Variants in CHERP observed in about 807,000 individuals in gnomAD.
The protein encoded by CHERP is calcium homeostasis endoplasmic reticulum protein.
A neutral mutation model predicts 113.8 loss-of-function variants in CHERP; 8 were observed. The ratio of observed to expected loss-of-function variants is 0.07; its 90% CI spans 0.04 to 0.13. The LOEUF (loss-of-function observed/expected upper bound fraction) is 0.13. Among genes scored for constraint, CHERP ranks in the 10% least tolerant of loss-of-function variants. The probability of loss-of-function intolerance (pLI) is 1.00; values close to 1 mark genes in which losing one functional copy is unlikely to be tolerated. For synonymous variants in CHERP, 559 were observed against 524.5 expected, an observed-to-expected ratio of 1.07 and a Z score of -0.90; for missense variants, 884 against 1,298.2, an observed-to-expected ratio of 0.68 and a Z score of 4.90.
At chr19:16,542,188 G>C (rs1383417667) in intron 1 of CHERP, 145 bp from the exon 2 acceptor site, 7 of 1,091,808 alleles carry the variant, frequency 6.4e-6, no homozygotes, top group Middle Eastern at 3.0e-4. Context: ...GTCCCGATAG[G>C]GGCCACACGC....
intron 9 of CHERP, among the ~76,000 whole-genome samples, chr19:16,527,816 C>T (rs918685480): frequency 6.6e-6 from 1 of 152,220 alleles, no homozygotes; most frequent in African/African-American, 2.4e-5. Flanking sequence ...TTAAACTCCC[C>T]TGCACTCGCA....
In CHERP at chr19:16,525,284, A is replaced by T. The variant is rs1227612034; in HGVS notation, c.1699T>A (p.Tyr567Asn). Residue 567 changes from tyrosine to asparagine, a missense_variant, in exon 10 of 17, where the codon TAT (tyrosine) becomes AAT (asparagine). By Grantham distance (143) the Tyr-to-Asn change is moderately radical (BLOSUM62 -2). This residue lies in a region of CHERP where 464 missense variants were observed against 590.1 expected (regional missense o/e 0.79). Coordinates refer to ENST00000546361, the MANE Select transcript of CHERP (RefSeq NM_006387.6). This position sits in a 1 kb window ranked among gnomAD's most constrained non-coding sequence, Gnocchi z 6.5. ...PPRHPFERPP[Y>N]PHRFDYPQGD... ...TGGGGGTAGTCGAAGCGGTGGGGAT[A>T]GGGCGGCCGCTCGAAGGGGTGCCGT... is the stretch of plus-strand genomic sequence containing the variant. 1 of 1,444,918 alleles carries T rather than the reference A, an allele frequency of 6.9e-7. No homozygotes were observed. The allele number at this position is 1,444,918 out of a possible 1,614,324, so 89.5% of individuals were successfully genotyped here.
At chr19:16,540,508 G>A (rs1324676312) in intron 2 of CHERP, among the ~76,000 whole-genome samples, 2 of 151,844 alleles carry the variant, frequency 1.3e-5, no homozygotes, top group Non-Finnish European at 2.9e-5. Context: ...CAGTAGCTGG[G>A]ACTACAGGTG....
intron 11 of CHERP, among the ~76,000 whole-genome samples, chr19:16,522,449 C>T (rs981543254): frequency 8.5e-5 from 13 of 152,120 alleles, no homozygotes; most frequent in Admixed American, 5.9e-4. Context: ...TTAATAGAGA[C>T]GGGGTTTCAC....
chr19:16,538,248 C>G (rs1568264782), intron 2 of CHERP, among the ~76,000 whole-genome samples: 1 of 152,234 alleles, frequency 6.6e-6, no homozygotes, highest in Non-Finnish European at 1.5e-5. Context: ...CCCTCCTACT[C>G]TGGGCTTCAG....
Position 16,525,476 on chromosome 19 carries a change from G to A in CHERP, c.1507C>T (p.Pro503Ser). ...TCGCGCTGGCCCCCGCCCCAGGGCGGCTGCTCGTGCTGGCTGTTCCAGGGG... is the reference window on the plus strand; with the variant it reads ...TCGCGCTGGCCCCCGCCCCAGGGCGACTGCTCGTGCTGGCTGTTCCAGGGG... ...EGPWNSQHEQPPWGGGQREPP... is the reference protein window; with the variant it reads ...EGPWNSQHEQSPWGGGQREPP... The change falls in exon 10 of 17, where the codon CCG becomes TCG. Residue 503 changes from proline to serine, a missense_variant. This residue lies in a region of CHERP where 464 missense variants were observed against 590.1 expected (regional missense o/e 0.79). Coordinates refer to ENST00000546361, the MANE Select transcript of CHERP (RefSeq NM_006387.6). This position sits in a 1 kb window ranked among gnomAD's most constrained non-coding sequence, Gnocchi z 6.5. 1.9e-6 allele frequency: 3 copies of A among 1,551,766 alleles called. No individual in the cohort carries two copies. The highest frequency in any genetic ancestry group is 2.6e-6 in the Non-Finnish European group (3 of 1,149,226).
intron 11 of CHERP, among the ~76,000 whole-genome samples, chr19:16,522,141 C>G (rs1017364542): frequency 9.9e-5 from 15 of 152,232 alleles, no homozygotes; most frequent in Non-Finnish European, 2.1e-4. Flanking sequence ...GCAGCTCTCC[C>G]TGCTGCCCAT....
rs1449410364 is a variant in CHERP at position 16,525,219 on chromosome 19, T to C, written c.1741+23A>G. ...AGCCGTGGATGCCTCCGCCAGGCCC[T>C]ACCCAGGCGCCCGTACACTCACCGG... On this transcript the variant is annotated intron_variant, in intron 10 of 16. Coordinates refer to ENST00000546361, the MANE Select transcript of CHERP (RefSeq NM_006387.6). This position sits in a 1 kb window ranked among gnomAD's most constrained non-coding sequence, Gnocchi z 6.5. The C allele has an allele frequency of 1.4e-6, 2 of 1,408,118 alleles. No individual in the cohort carries two copies. The highest frequency in any genetic ancestry group is 1.5e-5 in the African/African-American group (1 of 66,032). The allele number at this position is 1,408,118 out of a possible 1,614,324, so 87.2% of individuals were successfully genotyped here. A position where few individuals can be genotyped will look rare whatever the true frequency, so the allele number is the denominator to read the frequency against.
At chr19:16,527,792 C>T (rs916567707) in intron 9 of CHERP, among the ~76,000 whole-genome samples, 6 of 152,178 alleles carry the variant, frequency 3.9e-5, no homozygotes, top group Non-Finnish European at 7.3e-5. Flanking sequence ...AACACCCTGC[C>T]GTGCCTTGCA....
Position 16,523,420 on chromosome 19 carries a change from C to A in CHERP, c.1742-130G>T. The A allele has an allele frequency of 9.3e-7, 1 of 1,071,962 alleles. No individual in the cohort carries two copies. Among genetic ancestry groups the A allele is most frequent in the South Asian group, 1.4e-5 (1 of 69,488 alleles). 66.4% of individuals were successfully genotyped at this position (1,071,962 alleles called of 1,614,324 possible). On this transcript the variant is annotated intron_variant, in intron 10 of 16. Transcript: ENST00000546361. The surrounding 1 kb of genome is among the most constrained non-coding windows in gnomAD (Gnocchi z 4.0). ...CCTGGGAGCCTGTCCAGCATCTTCT[C>A]TCACTGCTTAAGACCAGGCAGCAAG...
In CHERP at chr19:16,520,011, G is replaced by A. The variant is rs1194992572; in HGVS notation, c.2462+138C>T. 6.6e-6 allele frequency: 6 copies of A among 906,660 alleles called. No individual in the cohort carries two copies. Among genetic ancestry groups the A allele is most frequent in the African/African-American group, 1.7e-5 (1 of 60,348 alleles). 56.2% of individuals were successfully genotyped at this position (906,660 alleles called of 1,614,324 possible). A position where few individuals can be genotyped will look rare whatever the true frequency, so the allele number is the denominator to read the frequency against. Reference sequence around the variant, plus strand: ...TCGCCAAGTGGCTACTGTGGTGAAGGGTGAGGGGTGCCACTGTCCCCGGGC... The same window carrying A: ...TCGCCAAGTGGCTACTGTGGTGAAGAGTGAGGGGTGCCACTGTCCCCGGGC... On this transcript the variant is annotated intron_variant, in intron 15 of 16. Transcript: ENST00000546361. This position sits in a 1 kb window ranked among gnomAD's most constrained non-coding sequence, Gnocchi z 4.0.
Position 16,533,131 on chromosome 19 carries a change from G to C in CHERP, c.402C>G (p.Ala134=). 2 of 1,587,002 alleles carry C rather than the reference G, an allele frequency of 1.3e-6. No individual in the cohort carries two copies. The highest frequency in any genetic ancestry group is 1.7e-6 in the Non-Finnish European group (2 of 1,167,022). Residue 134 remains alanine, a synonymous_variant, in exon 4 of 17, where the codon GCC becomes GCG. Coordinates refer to ENST00000546361, the MANE Select transcript of CHERP (RefSeq NM_006387.6). ...TCTGCTGCTCCACCGCGTGGGCCACGGCCGCTGTCACTTGCTCCTGCGGGC... is the reference window on the plus strand; with the variant it reads ...TCTGCTGCTCCACCGCGTGGGCCACCGCCGCTGTCACTTGCTCCTGCGGGC... ...LALRQEQVTA[A]VAHAVEQQMQ...
intron 12 of CHERP, 162 bp from the exon 13 acceptor site, chr19:16,521,074 A>G (rs1477046636): frequency 9.1e-6 from 6 of 658,788 alleles, no homozygotes; most frequent in African/African-American, 7.1e-5. Context: ...GTGTTCCCAC[A>G]GGGCTGTCCT....
At position 16,525,417 on chromosome 19, in the gene CHERP, G is replaced by A. The variant is rs772961692; in HGVS notation, c.1566C>T (p.Phe522=). 4.0e-6 allele frequency: 6 copies of A among 1,514,868 alleles called. No homozygotes were observed. In the East Asian group the frequency reaches 9.7e-5, roughly 25 times the overall value. 93.8% of individuals were successfully genotyped at this position (1,514,868 alleles called of 1,614,324 possible). The change falls in exon 10 of 17, where the codon TTC becomes TTT. Residue 522 remains phenylalanine (F), a synonymous_variant. Transcript: ENST00000546361. The surrounding 1 kb of genome is among the most constrained non-coding windows in gnomAD (Gnocchi z 6.5). The part of the protein sequence containing the change: ...PPFRMQRPPH[F]RGPFPPHQQH... ...GCTGGTGGGGCGGGAAGGGCCCCCG[G>A]AAGTGTGGGGGCCGCTGCATGCGGA... is the stretch of plus-strand genomic sequence containing the variant.
intron 11 of CHERP, 146 bp downstream of exon 11, chr19:16,522,905 TC>T: frequency 1.1e-6 from 1 of 911,490 alleles, no homozygotes; most frequent in Non-Finnish European, 1.6e-6. Flanking sequence ...GTTCGGCACC[TC>T]CCACTGACGG....
chr19:16,530,649 C>G lies in CHERP; in HGVS notation c.812G>C (p.Gly271Ala). ...CTGAATGATGGAGTCATCGAAGTAG[C>G]CGTTTTTCTCCCAGAGCTGCAGGAG... ...ARLLQLWEKN[G>A]YFDDSIIQQL... The change falls in exon 7 of 17, where the codon GGC (glycine) becomes GCC (alanine). Residue 271 changes from glycine to alanine, a missense_variant. Transcript: ENST00000546361. This position sits in a 1 kb window ranked among gnomAD's most constrained non-coding sequence, Gnocchi z 4.1. The G allele has an allele frequency of 1.2e-6, 2 of 1,614,044 alleles. No individual in the cohort carries two copies. The highest frequency in any genetic ancestry group is 8.5e-7 in the Non-Finnish European group (1 of 1,179,944).
Position 16,520,743 on chromosome 19 carries a change from A to G in CHERP, c.2201+83T>C. 1.5e-6 allele frequency: 2 copies of G among 1,369,324 alleles called. No homozygotes were observed. Among genetic ancestry groups the G allele is most frequent in the Non-Finnish European group, 2.1e-6 (2 of 963,800 alleles). 84.8% of individuals were successfully genotyped at this position (1,369,324 alleles called of 1,614,324 possible). A position where few individuals can be genotyped will look rare whatever the true frequency, so the allele number is the denominator to read the frequency against. ...CACAGGCTGTGTGAGGGTGGACGTG[A>G]TGAGTGTATCTGGGGTCTGCTCCCA... On this transcript the variant is annotated intron_variant, in intron 13 of 16. Coordinates refer to ENST00000546361, the MANE Select transcript of CHERP (RefSeq NM_006387.6). This position sits in a 1 kb window ranked among gnomAD's most constrained non-coding sequence, Gnocchi z 4.0.
Position 16,535,159 on chromosome 19 carries a change from T to TA in CHERP, c.384+292_384+293insT, listed in dbSNP as rs2085732537. 6.6e-6 allele frequency among the ~76,000 whole-genome samples: 1 copy of TA among 152,204 alleles called. No homozygotes were observed. The highest frequency in any genetic ancestry group is 1.5e-5 in the Non-Finnish European group (1 of 68,032). ...CCAATGGTAGGCACCAGAGGCTGCC[T>TA]GGCCACAGCCATTAGGGAGCTTCAA... On this transcript the variant is annotated intron_variant, in intron 3 of 16. Coordinates refer to ENST00000546361, the MANE Select transcript of CHERP (RefSeq NM_006387.6). The surrounding 1 kb of genome is among the most constrained non-coding windows in gnomAD (Gnocchi z 4.3).
At chr19:16,538,537 G>A (rs1458714044) in intron 2 of CHERP, among the ~76,000 whole-genome samples, 2 of 152,206 alleles carry the variant, frequency 1.3e-5, no homozygotes, top group Non-Finnish European at 2.9e-5. Context: ...ACAAAAATTA[G>A]CTGGGTGTGG....
Sources: gnomAD v4.1 joint callset for allele counts (sites outside exome capture counted in the v4.1 genomes callset) on GRCh38, gnomAD v4.1.1 for gene constraint, gnomAD v4.1.1 regional missense constraint, Gnocchi (gnomAD v3.1) non-coding constraint, MANE v1.5 for transcripts, NCBI Gene and HGNC (gene_info 2026-07-23, HGNC 2026-07-21) for gene names.